Variants in NKTR observed in about 807,000 individuals in gnomAD.
NKTR encodes NK-tumor recognition protein.
NKTR carries 67 observed loss-of-function variants against 156.3 expected under a neutral mutation model. The ratio of observed to expected loss-of-function variants is 0.43; its 90% CI spans 0.35 to 0.53. The LOEUF (loss-of-function observed/expected upper bound fraction) is 0.53. NKTR is among the 20% of genes least tolerant of loss of function. NKTR has a pLI of 0.01. For synonymous variants in NKTR, 640 were observed against 596.6 expected (o/e 1.07, Z -1.06); for missense variants, 1,604 against 1,730.9 (o/e 0.93, Z 1.30).
chr3:42,639,541 T>C lies in NKTR; in HGVS notation c.3837T>C (p.Asp1279=), dbSNP rs757699277. Residue 1279 remains aspartate (D), a synonymous_variant, in exon 13 of 17, where the codon GAT becomes GAC. Coordinates refer to ENST00000232978, the MANE Select transcript of NKTR (RefSeq NM_005385.4). ...KNKVRPGSLF[D]EVRKTARLNR... ...AAGTTCGGCCTGGGTCTCTCTTTGA[T>C]GAAGTAAGAAAGACAGCACGCTTAA... The C allele has an allele frequency of 6.2e-7, 1 of 1,614,168 alleles. No homozygotes were observed. The highest frequency in any genetic ancestry group is 2.2e-5 in the East Asian group (1 of 44,884).
chr3:42,640,282 A>G (rs1010052061), intron 13 of NKTR, among the ~76,000 whole-genome samples: 7 of 152,174 alleles, frequency 4.6e-5, no homozygotes, highest in African/African-American at 1.7e-4. Context: ...CCTTTTTCTC[A>G]TCTTTGTCAC....
intron 6 of NKTR, chr3:42,629,373 T>G: frequency 1.1e-6 from 1 of 941,562 alleles, no homozygotes; most frequent in Non-Finnish European, 1.3e-6. Flanking sequence ...TTTAATTTTT[T>G]TAAATTAAAT....
chr3:42,624,416 T>C (rs970548473), intron 6 of NKTR, among the ~76,000 whole-genome samples: 2 of 152,080 alleles, frequency 1.3e-5, no homozygotes, highest in East Asian at 1.9e-4. Flanking sequence ...CAAGTTAATT[T>C]GGTATTTATT....
chr3:42,637,282 G>C lies in NKTR; in HGVS notation c.1578G>C (p.Gln526His). Reference protein sequence around the residue: ...RDSYRSKSHSQSYSRGSSRSR... With the variant: ...RDSYRSKSHSHSYSRGSSRSR... ...CATACAGATCAAAATCTCACTCACA[G>C]TCTTATTCTAGAGGAAGCTCAAGAT... The change falls in exon 13 of 17, where the codon CAG becomes CAC. Residue 526 changes from glutamine (Q) to histidine (H), a missense_variant. Coordinates refer to ENST00000232978, the MANE Select transcript of NKTR (RefSeq NM_005385.4). 1 of 1,613,978 alleles carries C rather than the reference G, an allele frequency of 6.2e-7. No individual in the cohort carries two copies. Among genetic ancestry groups the C allele is most frequent in the South Asian group, 1.1e-5 (1 of 91,048 alleles).
chr3:42,605,810 T>C (rs1706178153), intron 2 of NKTR, among the ~76,000 whole-genome samples: 1 of 152,212 alleles, frequency 6.6e-6, no homozygotes, highest in African/African-American at 2.4e-5. Flanking sequence ...TAACCTGTTA[T>C]ATTATTAACC....
intron 6 of NKTR, chr3:42,629,400 A>G (rs1708693357): frequency 4.3e-6 from 4 of 932,342 alleles, no homozygotes; most frequent in African/African-American, 1.8e-5. Flanking sequence ...GTGCTCTTAC[A>G]GAACCGAATA....
At chr3:42,601,528 T>C (rs1705470736) in intron 2 of NKTR, 1 of 152,512 alleles carries the variant, frequency 6.6e-6, no homozygotes, top group South Asian at 2.0e-4. Flanking sequence ...TAGCTAGAAT[T>C]TCGTGGTTCC....
intron 6 of NKTR, among the ~76,000 whole-genome samples, chr3:42,625,750 TC>T (rs1347776019): frequency 6.6e-6 from 1 of 152,184 alleles, no homozygotes; most frequent in Non-Finnish European, 1.5e-5. Context: ...TCAGATTTTT[TC>T]ATGAGCAAAG....
intron 6 of NKTR, chr3:42,627,880 C>A: frequency 3.0e-6 from 3 of 985,148 alleles, no homozygotes; most frequent in Non-Finnish European, 3.6e-6. Context: ...AAGATCAATG[C>A]AATTTTTCTT....
intron 6 of NKTR, among the ~76,000 whole-genome samples, chr3:42,626,987 G>C (rs1028764428): frequency 6.6e-6 from 1 of 152,142 alleles, no homozygotes; most frequent in African/African-American, 2.4e-5. Flanking sequence ...TTCCCACTTA[G>C]CCACGATGCT....
rs752647952 is a variant in NKTR, at chr3:42,632,668, T to C, written c.618T>C (p.Ser206=). ...EGSDSSSNSS[S]SSESSSESEL... is the part of the protein sequence containing the mutation. ...CGGATTCCTCTTCCAATTCCTCCTC[T>C]TCTTCAGAATCATCTTCAGAAAGTG... The change falls in exon 9 of 17, where the codon TCT becomes TCC. Residue 206 remains serine (S), a synonymous_variant. Transcript: ENST00000232978. 1.9e-5 allele frequency: 31 copies of C among 1,613,922 alleles called. No individual in the cohort carries two copies. In the South Asian group the frequency reaches 2.0e-4, roughly 10 times the overall value.
chr3:42,618,117 G>A (rs930182082), intron 3 of NKTR, among the ~76,000 whole-genome samples: 3 of 151,962 alleles, frequency 2.0e-5, no homozygotes, highest in African/African-American at 4.8e-5. Context: ...TTGGGAGGCC[G>A]AGGCAGGTGG....
intron 2 of NKTR, among the ~76,000 whole-genome samples, chr3:42,617,258 G>T (rs1316387689): frequency 6.6e-6 from 1 of 152,124 alleles, no homozygotes; most frequent in African/African-American, 2.4e-5. Flanking sequence ...TTTTAAAGAA[G>T]ATTTATAGTT....
intron 4 of NKTR, 119 bp from the exon 5 acceptor site, chr3:42,619,545 T>C (rs1053548994): frequency 7.6e-5 from 116 of 1,530,150 alleles, no homozygotes; most frequent in Non-Finnish European, 9.3e-5. Context: ...GAATTTTGAT[T>C]ATTGCAGCAG....
Position 42,635,383 on chromosome 3 carries a change from T to A in NKTR, c.1163+17T>A. 4 of 1,593,434 alleles carry A rather than the reference T, an allele frequency of 2.5e-6. No individual in the cohort carries two copies. Among genetic ancestry groups the A allele is most frequent in the Non-Finnish European group, 3.4e-6 (4 of 1,166,856 alleles). On this transcript the variant is annotated intron_variant, in intron 12 of 16. Coordinates refer to ENST00000232978, the MANE Select transcript of NKTR (RefSeq NM_005385.4). Reference sequence around the variant, plus strand: ...AGGAGATAAGTAAGAACTTTGAGTATAAGCACAATCCTGTGTCTGTTATAT... The same window carrying A: ...AGGAGATAAGTAAGAACTTTGAGTAAAAGCACAATCCTGTGTCTGTTATAT...
Position 42,617,581 on chromosome 3 carries a change from A to G in NKTR, c.70A>G (p.Met24Val), listed in dbSNP as rs771502730. The G allele has an allele frequency of 4.0e-5, 64 of 1,591,594 alleles. No homozygotes were observed. The highest frequency in any genetic ancestry group is 5.3e-5 in the Non-Finnish European group (61 of 1,160,186). ...EINREPVGRI[M>V]FQLFSDICPK... ...GTATTTTATTTCAGTTGGTCGCATT[A>G]TGTTTCAGCTCTTCTCAGACATATG... The change falls in exon 3 of 17, where the codon ATG becomes GTG. Residue 24 changes from methionine to valine, a missense_variant. Coordinates refer to ENST00000232978, the MANE Select transcript of NKTR (RefSeq NM_005385.4).
intron 2 of NKTR, among the ~76,000 whole-genome samples, chr3:42,615,525 C>T (rs1291653004): frequency 1.3e-5 from 2 of 151,758 alleles, no homozygotes; most frequent in Non-Finnish European, 2.9e-5. Flanking sequence ...TAAGGAGAAA[C>T]TAAAAACATT....
chr3:42,617,000 C>T (rs2125778744), intron 2 of NKTR, among the ~76,000 whole-genome samples: 1 of 152,220 alleles, frequency 6.6e-6, no homozygotes, highest in East Asian at 1.9e-4. Flanking sequence ...AGGCAACCCT[C>T]CCTGCCTCAG....
Position 42,610,588 on chromosome 3 carries a change from C to T in NKTR, c.59-6982C>T, listed in dbSNP as rs532442898. On this transcript the variant is annotated intron_variant, in intron 2 of 16. Coordinates refer to ENST00000232978, the MANE Select transcript of NKTR (RefSeq NM_005385.4). ...TTCACCGTGCACTTTTGGTTTCTAT[C>T]GTGGGATTTTTTTTTTCTATCATGG... 5.3e-5 allele frequency among the ~76,000 whole-genome samples: 8 copies of T among 150,340 alleles called. No individual in the cohort carries two copies. In the East Asian group the frequency reaches 1.4e-3, roughly 26 times the overall value.
Sources: gnomAD v4.1 joint callset for allele counts (sites outside exome capture counted in the v4.1 genomes callset) on GRCh38, gnomAD v4.1.1 for gene constraint, MANE v1.5 for transcripts, NCBI Gene and HGNC (gene_info 2026-07-23, HGNC 2026-07-21) for gene names.